Variants in ALG12 observed in about 807,000 individuals in gnomAD.
ALG12 encodes the protein ALG12 alpha-1,6-mannosyltransferase.
ALG12 carries 36 observed loss-of-function variants against 46.0 expected under a neutral mutation model. The observed-to-expected ratio is 0.78, with a 90% CI of 0.60 to 1.03. The LOEUF (loss-of-function observed/expected upper bound fraction) is 1.03. ALG12 is among the 50% of genes least tolerant of loss of function. The pLI, the probability that ALG12 is intolerant of heterozygous loss-of-function variation, is 0.00. For synonymous variants in ALG12, 326 were observed against 291.6 expected (o/e 1.12, Z -1.20); for missense variants, 599 against 633.5 (o/e 0.95, Z 0.58).
chr22:49,864,474 A>G, the ALG12 span, among the ~76,000 whole-genome samples: 17 of 152,334 alleles, frequency 1.1e-4, no homozygotes, highest in East Asian at 3.3e-3. Flanking sequence ...TTCGCAACTC[A>G]GGACACGGCC....
chr22:49,897,129 A>G (rs2060486553), downstream of ALG12, among the ~76,000 whole-genome samples: 1 of 152,158 alleles, frequency 6.6e-6, no homozygotes, highest in Non-Finnish European at 1.5e-5. Flanking sequence ...TCATTCACTA[A>G]TATGCATTTA....
chr22:49,884,404 G>C, the ALG12 span: 1 of 1,613,456 alleles, frequency 6.2e-7, no homozygotes, highest in Admixed American at 1.7e-5. Context: ...GTGCGGCAGA[G>C]AAGAAGCCCT....
chr22:49,886,290 G>T, the ALG12 span: 1 of 1,470,732 alleles, frequency 6.8e-7, no homozygotes, highest in South Asian at 1.2e-5. The surrounding 1 kb of genome is among the most constrained non-coding windows in gnomAD (Gnocchi z 7.7). Context: ...TGCAGAGGGA[G>T]TACGCGCTGC....
chr22:49,912,057 G>C lies in ALG12; in HGVS notation c.295+1328C>G, dbSNP rs1254850186. On this transcript the variant is annotated intron_variant, in intron 3 of 9. Transcript: ENST00000330817. ...CTCGGCCCCGGGATCAGCCTCGGCC[G>C]CGGGATCAGCCTGGCCCCGGGATCA... Among the ~76,000 whole-genome samples the C allele has an allele frequency of 1.7e-3, 223 of 133,198 alleles. 1 individual carries two copies. Among genetic ancestry groups the C allele is most frequent in the South Asian group, 3.2e-3 (13 of 4,012 alleles). 87.4% of individuals were successfully genotyped at this position (133,198 alleles called of 152,430 possible). A position where few individuals can be genotyped will look rare whatever the true frequency, so the allele number is the denominator to read the frequency against.
rs2060501096 is a variant in ALG12, at chr22:49,900,794, A to G, written c.*3044T>C. The stretch of plus-strand genomic sequence containing the variant: ...CGGTTCTGTGCTGTTTCAGATCTGT[A>G]CACACATATTACATATGTACGTGTG... On this transcript the variant is annotated 3_prime_UTR_variant, in exon 10 of 10. Transcript: ENST00000330817. The G allele has an allele frequency of 6.6e-6, 1 of 152,246 alleles. No individual in the cohort carries two copies. The highest frequency in any genetic ancestry group is 6.5e-5 in the Admixed American group (1 of 15,280). 9.4% of individuals were successfully genotyped at this position (152,246 alleles called of 1,614,324 possible).
chr22:49,899,477 C>CAA (rs944680417), downstream of ALG12, among the ~76,000 whole-genome samples: 12 of 112,418 alleles, frequency 1.1e-4, no homozygotes, highest in African/African-American at 2.9e-4. Context: ...GACTCCATCT[C>CAA]AAAAAAAAAA....
In ALG12 at chr22:49,902,177, TGTG is replaced by T. The variant is rs917663287; in HGVS notation, c.*1658_*1660del. On this transcript the variant is annotated 3_prime_UTR_variant, in exon 10 of 10. Transcript: ENST00000330817. ...ATGGTGTGTGCACGTGTGCACTGTG[TGTG>T]GTGTGTATGCATGGTGTGTGCACAT... 7.1e-5 allele frequency: 10 copies of T among 141,490 alleles called. No individual in the cohort carries two copies. The highest frequency in any genetic ancestry group is 1.2e-4 in the Non-Finnish European group (8 of 66,102). 8.8% of individuals were successfully genotyped at this position (141,490 alleles called of 1,614,324 possible). A position where few individuals can be genotyped will look rare whatever the true frequency, so the allele number is the denominator to read the frequency against.
Position 49,902,773 on chromosome 22 carries a change from TGTGTGCAC to T in ALG12, c.*1057_*1064del, listed in dbSNP as rs1190670111. On this transcript the variant is annotated 3_prime_UTR_variant, in exon 10 of 10. Transcript: ENST00000330817. ...CACTGTGTGTGGTGTGTATGCATGG[TGTGTGCAC>T]GTGTGCACGGTGTGTGGTGTGTATG... The T allele has an allele frequency of 2.6e-5, 2 of 76,272 alleles. No individual in the cohort carries two copies. The highest frequency in any genetic ancestry group is 4.4e-5 in the Non-Finnish European group (2 of 45,464). 4.7% of individuals were successfully genotyped at this position (76,272 alleles called of 1,614,324 possible). A position where few individuals can be genotyped will look rare whatever the true frequency, so the allele number is the denominator to read the frequency against.
downstream of ALG12, among the ~76,000 whole-genome samples, chr22:49,896,012 C>T (rs1002186950): frequency 1.6e-4 from 24 of 152,198 alleles, 1 homozygote; most frequent in Middle Eastern, 3.2e-3. Context: ...GGGAAGGGCC[C>T]GTGTCCCTGC....
chr22:49,913,722 C>T lies in ALG12; in HGVS notation c.44G>A (p.Gly15Glu), dbSNP rs746720032. The T allele has an allele frequency of 2.5e-6, 4 of 1,613,734 alleles. No homozygotes were observed. The highest frequency in any genetic ancestry group is 3.4e-6 in the Non-Finnish European group (4 of 1,180,002). The part of the protein sequence containing the change: ...GSSGRRPLLL[G>E]LLVAVATVHL... ...GACAGTGGCTACGGCCACCAGCAGC[C>T]CCAGCAGCAGGGGCCGCCTGCCTGA... Residue 15 changes from glycine to glutamate, a missense_variant, in exon 2 of 10, where the codon GGG (glycine) becomes GAG (glutamate). Coordinates refer to ENST00000330817, the MANE Select transcript of ALG12 (RefSeq NM_024105.4).
chr22:49,916,639 C>G (rs2060610732), intron 1 of ALG12, among the ~76,000 whole-genome samples: 1 of 152,146 alleles, frequency 6.6e-6, no homozygotes, highest in South Asian at 2.1e-4. Context: ...ATTCCAGCTA[C>G]TCAGGAGTTC....
In ALG12 at chr22:49,906,668, G is replaced by A. The variant is rs894655519; in HGVS notation, c.992+1053C>T. ...GAGTGGGCACCTCTCAATGCCCCAGGCCGCGGCCCTCCTGGCCTGTAGCCC... is the reference window on the plus strand; with the variant it reads ...GAGTGGGCACCTCTCAATGCCCCAGACCGCGGCCCTCCTGGCCTGTAGCCC... On this transcript the variant is annotated intron_variant, in intron 7 of 9. Transcript: ENST00000330817. This position sits in a 1 kb window ranked among gnomAD's most constrained non-coding sequence, Gnocchi z 4.4. Among the ~76,000 whole-genome samples the A allele has an allele frequency of 1.3e-5, 2 of 152,178 alleles. No homozygotes were observed. Among genetic ancestry groups the A allele is most frequent in the Admixed American group, 6.5e-5 (1 of 15,286 alleles).
At chr22:49,904,816 T>A (rs1057214697) in intron 7 of ALG12, among the ~76,000 whole-genome samples, 10 of 152,170 alleles carry the variant, frequency 6.6e-5, no homozygotes, top group African/African-American at 2.2e-4. Context: ...CTCGGCTCAC[T>A]GCAACCTCCG....
the ALG12 span, among the ~76,000 whole-genome samples, chr22:49,880,427 G>A: frequency 5.3e-5 from 8 of 152,238 alleles, no homozygotes; most frequent in South Asian, 2.1e-4. Context: ...CGAGACCACC[G>A]GGCTCTGCCA....
chr22:49,909,474 G>A, intron 5 of ALG12, 127 bp from the exon 6 acceptor site: 1 of 958,146 alleles, frequency 1.0e-6, no homozygotes, highest in Non-Finnish European at 1.6e-6. Flanking sequence ...GGCAGGGTGG[G>A]AAGATTGCTG....
rs957678439 is a variant in ALG12 at position 49,902,912 on chromosome 22, A to G, written c.*926T>C. The G allele has an allele frequency of 1.1e-4, 21 of 198,490 alleles. No individual in the cohort carries two copies. In the Admixed American group the frequency reaches 1.4e-3, roughly 13 times the overall value. The allele number at this position is 198,490 out of a possible 1,614,324, so 12.3% of individuals were successfully genotyped here. On this transcript the variant is annotated 3_prime_UTR_variant, in exon 10 of 10. Transcript: ENST00000330817. ...TGTGCACTGTGTGTGGTGTGTATGCATGGTGTGTGCACGTGTGCACGGTGT... is the reference window on the plus strand; with the variant it reads ...TGTGCACTGTGTGTGGTGTGTATGCGTGGTGTGTGCACGTGTGCACGGTGT...
At chr22:49,896,184 C>G (rs2060482776), downstream of ALG12, among the ~76,000 whole-genome samples, 1 of 152,264 alleles carries the variant, frequency 6.6e-6, no homozygotes, top group Non-Finnish European at 1.5e-5. Flanking sequence ...GTGTCTCTTG[C>G]ATGAGACTTC....
the ALG12 span, chr22:49,884,215 C>G: frequency 6.2e-7 from 1 of 1,604,118 alleles, no homozygotes; most frequent in Non-Finnish European, 8.5e-7. Flanking sequence ...GTTCCCCTCT[C>G]CCTCACTCCT....
the ALG12 span, chr22:49,885,402 G>A: frequency 6.2e-7 from 1 of 1,604,240 alleles, no homozygotes; most frequent in Non-Finnish European, 8.5e-7. Flanking sequence ...TCGTGTGCTT[G>A]CACTGTGGCC....
Sources: allele counts gnomAD v4.1 joint callset (sites outside exome capture counted in the v4.1 genomes callset), GRCh38; gene constraint gnomAD v4.1.1; non-coding constraint Gnocchi (gnomAD v3.1); transcripts MANE v1.5; gene names NCBI Gene and HGNC (gene_info 2026-07-23, HGNC 2026-07-21).